VWCE: variants seen among roughly 807,000 people sequenced by gnomAD.
VWCE encodes von Willebrand factor C and EGF domain-containing protein.
VWCE carries 68 observed loss-of-function variants against 102.9 expected under a neutral mutation model. The ratio of observed to expected loss-of-function variants is 0.66; its 90% confidence interval spans 0.54 to 0.81. VWCE has a LOEUF of 0.81. Among genes scored for constraint, VWCE ranks in the 30% least tolerant of loss-of-function variants. The pLI is 0.00. For synonymous variants in VWCE, 497 were observed against 515.4 expected, an observed-to-expected ratio of 0.96 and a Z score of 0.48; for missense variants, 1,137 against 1,263.6, an observed-to-expected ratio of 0.90 and a Z score of 1.52.
At chr11:61,279,825 A>C (rs1157733099) in intron 9 of VWCE, among the ~76,000 whole-genome samples, 2 of 152,142 alleles carry the variant, frequency 1.3e-5, no homozygotes, top group Non-Finnish European at 2.9e-5. Context: ...TCCTGAGCTC[A>C]GGTGATCCTC....
chr11:61,286,912 A>T (rs1169394075), intron 4 of VWCE, among the ~76,000 whole-genome samples: 1 of 152,070 alleles, frequency 6.6e-6, no homozygotes. Context: ...CCTGGCTAAC[A>T]TGGTGAAACC....
In VWCE at chr11:61,281,199, A is replaced by G. The variant is rs535588896; in HGVS notation, c.824T>C (p.Leu275Pro). The G allele has an allele frequency of 2.5e-6, 4 of 1,613,160 alleles. No individual in the cohort carries two copies. The highest frequency in any genetic ancestry group is 1.1e-5 in the South Asian group (1 of 91,038). Residue 275 changes from leucine to proline, a missense_variant, in exon 8 of 20, where the codon CTG becomes CCG. By Grantham distance (98) the Leu-to-Pro change is moderately conservative (BLOSUM62 -3). Transcript: ENST00000335613. ...PKAVLAPSAI[L>P]QPRQHPSKML... ...CTTGGACGGGTGTTGCCGGGGTTGC[A>G]GGATGGCAGATGGGGCCAGCACGGC...
chr11:61,273,814 A>G (rs746036202), intron 12 of VWCE: 1 of 160,620 alleles, frequency 6.2e-6, no homozygotes, highest in African/African-American at 2.4e-5. Context: ...GAGAGTCTCT[A>G]TAACTGACTG....
chr11:61,282,225 C>G (rs1490055724), intron 6 of VWCE, among the ~76,000 whole-genome samples: 1 of 152,212 alleles, frequency 6.6e-6, no homozygotes, highest in Non-Finnish European at 1.5e-5. Context: ...CATCTCCAAA[C>G]CTTCCACCCT....
chr11:61,264,251 A>G (rs1318205643), intron 19 of VWCE, among the ~76,000 whole-genome samples: 3 of 145,338 alleles, frequency 2.1e-5, no homozygotes, highest in Non-Finnish European at 3.0e-5. Context: ...AAAAAAAAAA[A>G]GCAGAAGAAG....
Position 61,277,552 on chromosome 11 carries a change from C to A in VWCE, c.1407+842G>T, listed in dbSNP as rs948202380. 7.2e-5 allele frequency among the ~76,000 whole-genome samples: 11 copies of A among 152,190 alleles called. No homozygotes were observed. The East Asian group carries it at 2.1e-3, about 29-fold the overall frequency. The stretch of plus-strand genomic sequence containing the variant: ...CGCTTGAGCCCGAGGCTGCAATGAG[C>A]TATGACTGCACCACTATACTCCAGC... On this transcript the variant is annotated intron_variant, in intron 10 of 19. Coordinates refer to ENST00000335613, the MANE Select transcript of VWCE (RefSeq NM_152718.2).
At chr11:61,283,365 C>T (rs971999506) in intron 5 of VWCE, among the ~76,000 whole-genome samples, 6 of 152,176 alleles carry the variant, frequency 3.9e-5, no homozygotes, top group African/African-American at 1.4e-4. Flanking sequence ...CCTTGCCCAC[C>T]TCCTTCCTTG....
At chr11:61,269,673 T>C (rs1346898726) in intron 14 of VWCE, among the ~76,000 whole-genome samples, 2 of 152,104 alleles carry the variant, frequency 1.3e-5, no homozygotes, top group Non-Finnish European at 2.9e-5. Flanking sequence ...CTTGAACTCC[T>C]GACCTCAGAT....
At chr11:61,291,011 T>C in intron 3 of VWCE, 84 bp from the exon 4 acceptor site, 4 of 1,541,116 alleles carry the variant, frequency 2.6e-6, no homozygotes, top group Admixed American at 3.8e-5. Context: ...CTGAATTCTG[T>C]TGGGAGGGTA....
Position 61,259,327 on chromosome 11 carries a change from G to A in VWCE, c.2231-15C>T. Reference sequence around the variant, plus strand: ...AGACAGGGAATCTAGAGAGACGAGGGTGAAACGAGATGCACAATGGCTCTC... The same window carrying A: ...AGACAGGGAATCTAGAGAGACGAGGATGAAACGAGATGCACAATGGCTCTC... On this transcript the variant is annotated splice_polypyrimidine_tract_variant and intron_variant, in intron 19 of 19. Coordinates refer to ENST00000335613, the MANE Select transcript of VWCE (RefSeq NM_152718.2). The A allele has an allele frequency of 3.2e-6, 5 of 1,553,090 alleles. No homozygotes were observed. The highest frequency in any genetic ancestry group is 3.8e-5 in the Admixed American group (2 of 53,026).
At chr11:61,273,463 A>G in intron 12 of VWCE, 147 bp from the exon 13 acceptor site, 1 of 762,680 alleles carries the variant, frequency 1.3e-6, no homozygotes, top group Non-Finnish European at 2.1e-6. Flanking sequence ...TGAAACTGAC[A>G]AAGAAATCTC....
chr11:61,281,439 G>A (rs1480598502), intron 7 of VWCE, among the ~76,000 whole-genome samples: 1 of 152,126 alleles, frequency 6.6e-6, no homozygotes, highest in East Asian at 1.9e-4. Context: ...CAGGATACTC[G>A]GACTCCTGTT....
rs935040898 is a variant in VWCE at position 61,282,859 on chromosome 11, G to A, written c.588C>T (p.Asn196=). The part of the protein sequence containing the change: ...LGTPCQQRCK[N]SIGSYKCSCR... ...AGGAACACTTGTAGCTGCCAATGCT[G>A]TTTTTACATCTCTGCTGACAGGGAG... is the stretch of plus-strand genomic sequence containing the variant. The change falls in exon 6 of 20, where the codon AAC becomes AAT. Residue 196 remains asparagine, a synonymous_variant. Transcript: ENST00000335613. The A allele has an allele frequency of 6.2e-7, 1 of 1,614,210 alleles. No individual in the cohort carries two copies. Among genetic ancestry groups the A allele is most frequent in the Non-Finnish European group, 8.5e-7 (1 of 1,180,034 alleles).
chr11:61,275,521 A>G (rs1854876233), intron 11 of VWCE, among the ~76,000 whole-genome samples: 3 of 152,234 alleles, frequency 2.0e-5, no homozygotes, highest in African/African-American at 7.2e-5. Flanking sequence ...ATTAAGAAAA[A>G]AAACACTTAA....
rs1327961424 is a variant in VWCE, at chr11:61,294,893, G to A, written c.110+35C>T. 10 of 1,345,784 alleles carry A rather than the reference G, an allele frequency of 7.4e-6. No homozygotes were observed. In the Admixed American group the frequency reaches 9.4e-5, roughly 13 times the overall value. The allele number at this position is 1,345,784 out of a possible 1,614,324, so 83.4% of individuals were successfully genotyped here. A position where few individuals can be genotyped will look rare whatever the true frequency, so the allele number is the denominator to read the frequency against. On this transcript the variant is annotated intron_variant, in intron 1 of 19. Transcript: ENST00000335613. The surrounding 1 kb of genome is among the most constrained non-coding windows in gnomAD (Gnocchi z 6.3). ...GACTGCACGCCGGTAGCGCTCTCCC[G>A]GGCGGGGGAGCGGGGAGGAGCTCCG...
intron 19 of VWCE, 31 bp downstream of exon 19, chr11:61,264,456 G>A: frequency 6.3e-7 from 1 of 1,599,294 alleles, no homozygotes; most frequent in Non-Finnish European, 8.5e-7. Flanking sequence ...GAAGATGGCG[G>A]AGAAACTCCA....
rs780444215 is a variant in VWCE, at chr11:61,258,832, A to T, written c.2711T>A (p.Met904Lys). Reference protein sequence around the residue: ...LLTEASALSMMDPSPSKTPIT... With the variant: ...LLTEASALSMKDPSPSKTPIT... ...GGGGGTCTTCGAGGGGCTGGGGTCC[A>T]TCATGGAAAGTGCTGAAGCTTCCGT... The change falls in exon 20 of 20, where the codon ATG (methionine) becomes AAG (lysine). Residue 904 changes from methionine (M) to lysine (K), a missense_variant. Around this residue, in one of 5 missense-constraint regions of VWCE, gnomAD observed 316 missense variants for 319.3 expected, o/e 0.99. Transcript: ENST00000335613. 3.4e-5 allele frequency: 52 copies of T among 1,514,820 alleles called. No individual in the cohort carries two copies. The highest frequency in any genetic ancestry group is 4.6e-5 in the Non-Finnish European group (52 of 1,134,040). The allele number at this position is 1,514,820 out of a possible 1,614,324, so 93.8% of individuals were successfully genotyped here. A position where few individuals can be genotyped will look rare whatever the true frequency, so the allele number is the denominator to read the frequency against.
At chr11:61,265,852 C>A (rs938676278) in intron 16 of VWCE, among the ~76,000 whole-genome samples, 10 of 152,136 alleles carry the variant, frequency 6.6e-5, no homozygotes, top group Non-Finnish European at 1.5e-4. Context: ...TCGAGACCAG[C>A]CTGGCCAACA....
In VWCE at chr11:61,294,897, G is replaced by C; in HGVS notation, c.110+31C>G. Reference sequence around the variant, plus strand: ...GCACGCCGGTAGCGCTCTCCCGGGCGGGGGAGCGGGGAGGAGCTCCGGGCG... The same window carrying C: ...GCACGCCGGTAGCGCTCTCCCGGGCCGGGGAGCGGGGAGGAGCTCCGGGCG... On this transcript the variant is annotated intron_variant, in intron 1 of 19. Transcript: ENST00000335613. This position sits in a 1 kb window ranked among gnomAD's most constrained non-coding sequence, Gnocchi z 6.3. 5 of 1,347,982 alleles carry C rather than the reference G, an allele frequency of 3.7e-6. No individual in the cohort carries two copies. The highest frequency in any genetic ancestry group is 1.6e-5 in the South Asian group (1 of 61,696). 83.5% of individuals were successfully genotyped at this position (1,347,982 alleles called of 1,614,324 possible). A position where few individuals can be genotyped will look rare whatever the true frequency, so the allele number is the denominator to read the frequency against.
Sources: gnomAD v4.1 joint callset for allele counts (sites outside exome capture counted in the v4.1 genomes callset) on GRCh38, gnomAD v4.1.1 for gene constraint, gnomAD v4.1.1 regional missense constraint, Gnocchi (gnomAD v3.1) non-coding constraint, MANE v1.5 for transcripts, NCBI Gene and HGNC (gene_info 2026-07-23, HGNC 2026-07-21) for gene names.